Variants in DPP10 observed in about 807,000 individuals in gnomAD.
DPP10 encodes the protein dipeptidyl peptidase like 10, also known as inactive dipeptidyl peptidase 10.
A neutral mutation model predicts 120.9 loss-of-function variants in DPP10; 33 were observed. That is an observed-to-expected ratio of 0.27 (90% CI 0.21 to 0.37). The LOEUF (loss-of-function observed/expected upper bound fraction) is 0.37, where lower values mean the gene tolerates loss of function less well. Among genes scored for constraint, DPP10 ranks in the 10% least tolerant of loss-of-function variants. DPP10 has a pLI of 1.00. For synonymous variants in DPP10, 337 were observed against 326.1 expected (o/e 1.03, Z -0.36); for missense variants, 816 against 942.8 (o/e 0.87, Z 1.76).
At chr2:114,791,920 A>G (rs1683282636) in intron 1 of DPP10, among the ~76,000 whole-genome samples, 1 of 152,238 alleles carries the variant, frequency 6.6e-6, no homozygotes, top group South Asian at 2.1e-4. Context: ...TAGTTGTATC[A>G]CTGAATCAGC....
At chr2:115,803,164 T>G (rs923530360) in intron 19 of DPP10, among the ~76,000 whole-genome samples, 2 of 152,212 alleles carry the variant, frequency 1.3e-5, no homozygotes, top group African/African-American at 4.8e-5. Flanking sequence ...CTTGTTGAAT[T>G]GATCCCTTTA....
At position 114,442,821 on chromosome 2, in the gene DPP10, C is replaced by A. The variant is rs1275266036; in HGVS notation, c.43C>A (p.Pro15Thr). 6 of 1,613,262 alleles carry A rather than the reference C, an allele frequency of 3.7e-6. No homozygotes were observed. The highest frequency in any genetic ancestry group is 4.5e-5 in the East Asian group (2 of 44,846). The change falls in exon 1 of 26, where the codon CCC becomes ACC. Residue 15 changes from proline to threonine, a missense_variant. Pro to Thr is a conservative substitution (Grantham distance 38). Transcript: ENST00000410059. The stretch of plus-strand genomic sequence containing the variant: ...CGTGTCCCATCACATCAAGTGTCAA[C>A]CCTCAAAAACAATCAAGGTAGGATC... Reference protein sequence around the residue: ...ASVSHHIKCQPSKTIKELGSN... With the variant: ...ASVSHHIKCQTSKTIKELGSN...
rs145142805 is a variant in DPP10, at chr2:115,719,009, G to T, written c.577-8807G>T. Among the ~76,000 whole-genome samples, 10 of 152,052 alleles carry T rather than the reference G, an allele frequency of 6.6e-5. No homozygotes were observed. The South Asian group carries it at 2.1e-3, about 32-fold the overall frequency. On this transcript the variant is annotated intron_variant, in intron 7 of 25. Transcript: ENST00000410059. ...TCCTGTGGGTTCCAGTTTATTTCTC[G>T]GGGCCTGTAAATATTTTTCTTAATG...
At chr2:115,151,932 T>C (rs1273136538) in intron 1 of DPP10, among the ~76,000 whole-genome samples, 1 of 152,120 alleles carries the variant, frequency 6.6e-6, no homozygotes, top group Non-Finnish European at 1.5e-5. Flanking sequence ...ATTTTCCTTC[T>C]AGATTAGTCT....
intron 1 of DPP10, among the ~76,000 whole-genome samples, chr2:114,567,053 T>C (rs933155326): frequency 9.2e-5 from 14 of 152,126 alleles, no homozygotes; most frequent in African/African-American, 3.4e-4. Context: ...CATACTCCAC[T>C]CCAGGCTCCC....
intron 1 of DPP10, among the ~76,000 whole-genome samples, chr2:114,887,830 T>C (rs1692194899): frequency 6.6e-6 from 1 of 152,252 alleles, no homozygotes; most frequent in African/African-American, 2.4e-5. Context: ...TATGACTCTG[T>C]TCTCTCATCT....
chr2:115,636,753 TA>T (rs879269566), intron 5 of DPP10, among the ~76,000 whole-genome samples: 24 of 147,782 alleles, frequency 1.6e-4, no homozygotes, highest in Middle Eastern at 7.0e-3. Context: ...TTTTTAAAAG[TA>T]AAAAAAAAAA....
At chr2:114,889,429 T>C (rs927174728) in intron 1 of DPP10, among the ~76,000 whole-genome samples, 1 of 151,522 alleles carries the variant, frequency 6.6e-6, no homozygotes, top group African/African-American at 2.4e-5. Flanking sequence ...ATGTATAAAA[T>C]ATATACATAT....
In DPP10 at chr2:114,890,239, C is replaced by T. The variant is rs569118311; in HGVS notation, c.61-419000C>T. Among the ~76,000 whole-genome samples the T allele has an allele frequency of 1.1e-4, 17 of 152,198 alleles. No homozygotes were observed. The East Asian group carries it at 1.2e-3, about 10-fold the overall frequency. Reference sequence around the variant, plus strand: ...GTAAAATGAATTTGAGGCAGGAGCACGTTTTCTAAATGTTTTTGTGTGCTA... The same window carrying T: ...GTAAAATGAATTTGAGGCAGGAGCATGTTTTCTAAATGTTTTTGTGTGCTA... On this transcript the variant is annotated intron_variant, in intron 1 of 25. Coordinates refer to ENST00000410059, the MANE Select transcript of DPP10 (RefSeq NM_020868.6).
intron 4 of DPP10, among the ~76,000 whole-genome samples, chr2:115,505,215 T>A (rs570494938): frequency 1.3e-5 from 2 of 152,080 alleles, no homozygotes; most frequent in African/African-American, 4.8e-5. Flanking sequence ...CAAAGTTATC[T>A]AAGTAATATA....
At chr2:114,769,799 A>T (rs576056840) in intron 1 of DPP10, among the ~76,000 whole-genome samples, 1 of 152,306 alleles carries the variant, frequency 6.6e-6, no homozygotes, top group South Asian at 2.1e-4. Context: ...ACAGGGAGTT[A>T]AGGTGACATA....
At chr2:114,704,021 C>T (rs1435425842) in intron 1 of DPP10, among the ~76,000 whole-genome samples, 1 of 152,040 alleles carries the variant, frequency 6.6e-6, no homozygotes, top group African/African-American at 2.4e-5. Context: ...CATGCTTTTC[C>T]AAATTTTCAT....
At position 114,601,727 on chromosome 2, in the gene DPP10, T is replaced by C. The variant is rs557735903; in HGVS notation, c.60+158889T>C. Among the ~76,000 whole-genome samples, 10 of 152,116 alleles carry C rather than the reference T, an allele frequency of 6.6e-5. No homozygotes were observed. The South Asian group carries it at 2.1e-3, about 32-fold the overall frequency. ...TGAGAAATACAGACCTCGTTTCACCTGTTCCACACTACAGCTGCAGTTTTA... is the reference window on the plus strand; with the variant it reads ...TGAGAAATACAGACCTCGTTTCACCCGTTCCACACTACAGCTGCAGTTTTA... On this transcript the variant is annotated intron_variant, in intron 1 of 25. Coordinates refer to ENST00000410059, the MANE Select transcript of DPP10 (RefSeq NM_020868.6).
intron 1 of DPP10, among the ~76,000 whole-genome samples, chr2:114,645,732 T>C (rs4143200): frequency 0.99 from 151,431 of 152,314 alleles, 75,281 homozygotes; most frequent in East Asian, 1. Flanking sequence ...GACTGAAGCT[T>C]GCCAAGGCAA....
rs1026346287 is a variant in DPP10, at chr2:114,870,647, AT to A, written c.60+427810del. 4.0e-5 allele frequency among the ~76,000 whole-genome samples: 5 copies of A among 125,536 alleles called. 1 individual carries two copies. The highest frequency in any genetic ancestry group is 7.4e-4 in the East Asian group (2 of 2,720). The allele number at this position is 125,536 out of a possible 152,430, so 82.4% of individuals were successfully genotyped here. A position where few individuals can be genotyped will look rare whatever the true frequency, so the allele number is the denominator to read the frequency against. ...TGAGTGTTACAGAATCTCAAAAAAAATATTTTGATAATATCACAAAAGAGGA... is the reference window on the plus strand; with the variant it reads ...TGAGTGTTACAGAATCTCAAAAAAAAATTTTGATAATATCACAAAAGAGGA... On this transcript the variant is annotated intron_variant, in intron 1 of 25. Transcript: ENST00000410059.
intron 3 of DPP10, among the ~76,000 whole-genome samples, chr2:115,392,990 A>G (rs2067423582): frequency 6.6e-6 from 1 of 152,108 alleles, no homozygotes; most frequent in African/African-American, 2.4e-5. Context: ...TTCCTTTGTC[A>G]TTTATATTAT....
At chr2:115,382,142 C>T (rs771736118) in intron 3 of DPP10, among the ~76,000 whole-genome samples, 7 of 152,198 alleles carry the variant, frequency 4.6e-5, no homozygotes, top group East Asian at 3.9e-4. Context: ...CAATGGCGGG[C>T]GCCCCTCCCC....
At chr2:115,706,371 G>A (rs575353016) in intron 7 of DPP10, among the ~76,000 whole-genome samples, 1 of 151,784 alleles carries the variant, frequency 6.6e-6, no homozygotes, top group East Asian at 1.9e-4. Context: ...TCTGTGGCAC[G>A]TCTTGTTTCA....
chr2:115,681,365 A>G (rs1190180595), intron 5 of DPP10, among the ~76,000 whole-genome samples: 1 of 151,864 alleles, frequency 6.6e-6, no homozygotes, highest in Non-Finnish European at 1.5e-5. Context: ...TAATATTTAA[A>G]AAATCATTTA....
Sources: allele counts gnomAD v4.1 joint callset (sites outside exome capture counted in the v4.1 genomes callset), GRCh38; gene constraint gnomAD v4.1.1; transcripts MANE v1.5; gene names NCBI Gene and HGNC (gene_info 2026-07-23, HGNC 2026-07-21).